Variants in CACNA1D observed in about 807,000 individuals in gnomAD.
CACNA1D encodes the protein calcium voltage-gated channel subunit alpha1 D.
In CACNA1D, 55 loss-of-function variants were observed where a neutral mutation model predicts 257.1. That is an observed-to-expected ratio of 0.21 (90% CI 0.17 to 0.27). The LOEUF (loss-of-function observed/expected upper bound fraction) is 0.27. Ranked by LOEUF, CACNA1D falls within the 10% of genes least tolerant of loss-of-function variation. The pLI is 1.00. For synonymous variants in CACNA1D, 980 were observed against 1,014.9 expected (o/e 0.97, Z 0.65); for missense variants, 1,876 against 2,784.0 (o/e 0.67, Z 7.34).
intron 3 of CACNA1D, among the ~76,000 whole-genome samples, chr3:53,549,067 TTG>T (rs773123695): frequency 6.6e-6 from 1 of 152,188 alleles, no homozygotes; most frequent in Non-Finnish European, 1.5e-5. Context: ...TCACAAATCT[TTG>T]TGTTGTTTTA....
chr3:53,768,463 A>G (rs2095347840), intron 30 of CACNA1D, among the ~76,000 whole-genome samples: 1 of 152,222 alleles, frequency 6.6e-6, no homozygotes, highest in Non-Finnish European at 1.5e-5. Context: ...AAATGATGAG[A>G]ACTTTAAAAA....
chr3:53,614,196 C>A (rs1160818243), intron 3 of CACNA1D, among the ~76,000 whole-genome samples: 2 of 151,512 alleles, frequency 1.3e-5, no homozygotes, highest in African/African-American at 2.4e-5. Context: ...AGGAAGACAT[C>A]GTCCCGGGGC....
At position 53,529,518 on chromosome 3, in the gene CACNA1D, T is replaced by G. The variant is rs56968152; in HGVS notation, c.483+27798T>G. The stretch of plus-strand genomic sequence containing the variant: ...TGTCTGGGTTGTGCTGGACTCATAA[T>G]GTGAGAAATAGTGTGGTACCAGTTG... On this transcript the variant is annotated intron_variant, in intron 3 of 47. Coordinates refer to ENST00000350061, the MANE Select transcript of CACNA1D (RefSeq NM_001128840.3). Among the ~76,000 whole-genome samples the G allele has an allele frequency of 8.1e-3, 1,241 of 152,294 alleles. 95 individuals carry two copies. In the South Asian group the frequency reaches 0.16, roughly 20 times the overall value.
chr3:53,517,535 G>T (rs1273632403), intron 3 of CACNA1D, among the ~76,000 whole-genome samples: 2 of 150,602 alleles, frequency 1.3e-5, no homozygotes, highest in African/African-American at 4.9e-5. Flanking sequence ...CCAGGCTGGA[G>T]TGCAGTGGCA....
intron 3 of CACNA1D, among the ~76,000 whole-genome samples, chr3:53,524,429 C>T (rs563191879): frequency 5.3e-5 from 8 of 152,358 alleles, no homozygotes; most frequent in African/African-American, 1.9e-4. Flanking sequence ...TGTGCCAACA[C>T]ACAAAACTAC....
Position 53,673,077 on chromosome 3 carries a change from A to G in CACNA1D, c.1171A>G (p.Ile391Val). 1 of 1,552,364 alleles carries G rather than the reference A, an allele frequency of 6.4e-7. No homozygotes were observed. The highest frequency in any genetic ancestry group is 8.7e-7 in the Non-Finnish European group (1 of 1,147,262). Residue 391 changes from isoleucine (I) to valine (V), a missense_variant, in exon 8 of 48, where the codon ATC becomes GTC. Physicochemically the swap from Ile to Val is conservative, Grantham distance 29. Around this residue, in one of 10 missense-constraint regions of CACNA1D, gnomAD observed 188 missense variants for 390.4 expected, o/e 0.48. Coordinates refer to ENST00000350061, the MANE Select transcript of CACNA1D (RefSeq NM_001128840.3). The surrounding 1 kb of genome is among the most constrained non-coding windows in gnomAD (Gnocchi z 4.1). Reference sequence around the variant, plus strand: ...CTGGGTGTATTTTGTCAGTCTCGTCATCTTTGGGTCATTTTTCGTACTAAA... The same window carrying G: ...CTGGGTGTATTTTGTCAGTCTCGTCGTCTTTGGGTCATTTTTCGTACTAAA... ...LPWVYFVSLV[I>V]FGSFFVLNLV... is the part of the protein sequence containing the mutation.
At chr3:53,665,051 G>A (rs1454747515) in intron 5 of CACNA1D, among the ~76,000 whole-genome samples, 4 of 152,176 alleles carry the variant, frequency 2.6e-5, no homozygotes, top group South Asian at 2.1e-4. Flanking sequence ...CAAACCTGGC[G>A]GTAGGCACAG....
chr3:53,520,110 C>G (rs564862622), intron 3 of CACNA1D, among the ~76,000 whole-genome samples: 1 of 152,288 alleles, frequency 6.6e-6, no homozygotes, highest in African/African-American at 2.4e-5. Flanking sequence ...TGTGAACATT[C>G]ATGTGCAAGT....
At chr3:53,592,845 G>A (rs1443478299) in intron 3 of CACNA1D, among the ~76,000 whole-genome samples, 2 of 152,056 alleles carry the variant, frequency 1.3e-5, no homozygotes, top group South Asian at 2.1e-4. Context: ...CTGCCACCAC[G>A]CCCAGCTAAT....
At chr3:53,752,990 G>A in intron 28 of CACNA1D, among the ~76,000 whole-genome samples, 1 of 152,176 alleles carries the variant, frequency 6.6e-6, no homozygotes, top group East Asian at 1.9e-4. Flanking sequence ...AAAGACCAAG[G>A]TCTAGAGCCA....
chr3:53,726,453 C>CA (rs34337122), intron 14 of CACNA1D, among the ~76,000 whole-genome samples: 5 of 151,998 alleles, frequency 3.3e-5, no homozygotes, highest in Non-Finnish European at 5.9e-5. Context: ...GCCTGGCCAA[C>CA]TGCTGTAACA....
intron 3 of CACNA1D, among the ~76,000 whole-genome samples, chr3:53,559,498 T>G (rs2092701074): frequency 6.6e-6 from 1 of 152,242 alleles, no homozygotes. Context: ...TTGCAAATTC[T>G]GACCTGACTT....
chr3:53,671,798 C>T (rs918004237), intron 7 of CACNA1D, among the ~76,000 whole-genome samples: 1 of 152,196 alleles, frequency 6.6e-6, no homozygotes, highest in African/African-American at 2.4e-5. Context: ...ATGCACGAGC[C>T]TCATTCTGTA....
intron 3 of CACNA1D, among the ~76,000 whole-genome samples, chr3:53,614,310 G>T (rs565662210): frequency 6.6e-6 from 1 of 152,276 alleles, no homozygotes; most frequent in South Asian, 2.1e-4. Flanking sequence ...CTGGTCCTGT[G>T]CTGGTAGAAC....
chr3:53,646,434 C>T (rs541656013), intron 3 of CACNA1D, among the ~76,000 whole-genome samples: 4 of 152,300 alleles, frequency 2.6e-5, no homozygotes, highest in South Asian at 4.1e-4. Flanking sequence ...AAACCTCATG[C>T]TGTAATAGCC....
At chr3:53,806,824 T>G (rs2095568576) in intron 45 of CACNA1D, among the ~76,000 whole-genome samples, 1 of 152,120 alleles carries the variant, frequency 6.6e-6, no homozygotes, top group Admixed American at 6.5e-5. Context: ...GTCACTCCTT[T>G]CCCATAAATA....
At chr3:53,810,635 G>A (rs1271064460) in intron 47 of CACNA1D, 5 of 371,596 alleles carry the variant, frequency 1.3e-5, no homozygotes, top group Non-Finnish European at 2.6e-5. Context: ...GTGTATGCCT[G>A]TAATCCCAGC....
chr3:53,575,738 A>G (rs569297811), intron 3 of CACNA1D, among the ~76,000 whole-genome samples: 2 of 152,244 alleles, frequency 1.3e-5, no homozygotes, highest in Admixed American at 1.3e-4. Context: ...TAGATTTTCT[A>G]CTAGTCGTGT....
intron 11 of CACNA1D, among the ~76,000 whole-genome samples, chr3:53,720,929 A>G (rs895883719): frequency 5.9e-5 from 9 of 152,252 alleles, no homozygotes; most frequent in African/African-American, 2.2e-4. Flanking sequence ...AAATGAAGAT[A>G]TATGCCTACA....
Sources: gnomAD v4.1 joint callset for allele counts (sites outside exome capture counted in the v4.1 genomes callset) on GRCh38, gnomAD v4.1.1 for gene constraint, gnomAD v4.1.1 regional missense constraint, Gnocchi (gnomAD v3.1) non-coding constraint, MANE v1.5 for transcripts, NCBI Gene and HGNC (gene_info 2026-07-23, HGNC 2026-07-21) for gene names.